The following CELF4 variants were observed in gnomAD, a reference collection of about 807,000 sequenced individuals.
CELF4 encodes CUGBP Elav-like family member 4.
CELF4 carries 18 observed loss-of-function variants against 59.9 expected under a neutral mutation model. The ratio of observed to expected loss-of-function variants is 0.30; its 90% confidence interval spans 0.21 to 0.45. The LOEUF is 0.45. Among genes scored for constraint, CELF4 ranks in the 20% least tolerant of loss-of-function variants. CELF4 has a pLI of 1.00. For synonymous variants in CELF4, 261 were observed against 267.1 expected, an observed-to-expected ratio of 0.98 and a Z score of 0.22; for missense variants, 456 against 689.0, an observed-to-expected ratio of 0.66 and a Z score of 3.79.
Position 37,244,379 on chromosome 18 carries a change from T to A in CELF4, c.*863A>T, listed in dbSNP as rs2061334288. 2 of 152,478 alleles carry A rather than the reference T, an allele frequency of 1.3e-5. No individual in the cohort carries two copies. The highest frequency in any genetic ancestry group is 2.9e-5 in the Non-Finnish European group (2 of 68,010). The allele number at this position is 152,478 out of a possible 1,614,324, so 9.4% of individuals were successfully genotyped here. Reference sequence around the variant, plus strand: ...CTTCACGGGTGAGTTTTAAGATTTGTGTTGCTTTCCCCAAATATCCACCAA... The same window carrying A: ...CTTCACGGGTGAGTTTTAAGATTTGAGTTGCTTTCCCCAAATATCCACCAA... On this transcript the variant is annotated 3_prime_UTR_variant, in exon 13 of 13. Coordinates refer to ENST00000420428, the MANE Select transcript of CELF4 (RefSeq NM_020180.4).
At chr18:37,403,684 G>A (rs1356658844) in intron 2 of CELF4, among the ~76,000 whole-genome samples, 1 of 152,224 alleles carries the variant, frequency 6.6e-6, no homozygotes, top group Non-Finnish European at 1.5e-5. Context: ...GACAGCGCAG[G>A]TGTGTGTTCC....
At chr18:37,468,405 T>C (rs889717420) in intron 2 of CELF4, among the ~76,000 whole-genome samples, 7 of 152,164 alleles carry the variant, frequency 4.6e-5, no homozygotes, top group African/African-American at 1.7e-4. Context: ...GTCAGGGCCA[T>C]GGCAGGGCAG....
intron 3 of CELF4, among the ~76,000 whole-genome samples, chr18:37,278,318 G>T (rs907397030): frequency 1.1e-4 from 16 of 152,262 alleles, no homozygotes; most frequent in Admixed American, 7.8e-4. Context: ...CTTCCTCCAG[G>T]TAGTCATGGA....
intron 8 of CELF4, among the ~76,000 whole-genome samples, chr18:37,270,019 T>A (rs2090350098): frequency 6.6e-6 from 1 of 152,210 alleles, no homozygotes; most frequent in Non-Finnish European, 1.5e-5. Flanking sequence ...TGTAGTTTAC[T>A]AGAGGGCTTT....
intron 1 of CELF4, among the ~76,000 whole-genome samples, chr18:37,533,566 G>A (rs1434852694): frequency 1.3e-5 from 2 of 152,172 alleles, no homozygotes; most frequent in African/African-American, 4.8e-5. Context: ...CTATTCACAT[G>A]GCAGAAGGAT....
intron 2 of CELF4, among the ~76,000 whole-genome samples, chr18:37,334,422 G>C (rs1603577767): frequency 1.3e-5 from 2 of 152,164 alleles, no homozygotes; most frequent in African/African-American, 4.8e-5. Flanking sequence ...TGGGGTCCTG[G>C]GCCTGGCGAG....
chr18:37,444,534 C>A (rs879848671), intron 2 of CELF4, among the ~76,000 whole-genome samples: 2 of 151,904 alleles, frequency 1.3e-5, no homozygotes, highest in Admixed American at 1.3e-4. Context: ...CTGCTCTACC[C>A]AAAAGCCAAG....
chr18:37,433,746 C>T (rs2099678933), intron 2 of CELF4, among the ~76,000 whole-genome samples: 1 of 152,170 alleles, frequency 6.6e-6, no homozygotes, highest in African/African-American at 2.4e-5. Context: ...GAGGATGGAC[C>T]ACCTCTTAGG....
chr18:37,284,625 C>A (rs1455920369), intron 3 of CELF4, among the ~76,000 whole-genome samples: 6 of 152,208 alleles, frequency 3.9e-5, no homozygotes, highest in Admixed American at 1.3e-4. Context: ...ACTGCTCAGC[C>A]CAGTCAACGC....
At chr18:37,435,416 T>C (rs936411627) in intron 2 of CELF4, among the ~76,000 whole-genome samples, 2 of 152,192 alleles carry the variant, frequency 1.3e-5, no homozygotes, top group African/African-American at 4.8e-5. Flanking sequence ...TCAATGGTTC[T>C]AGTCTGGGTC....
intron 3 of CELF4, among the ~76,000 whole-genome samples, chr18:37,278,857 A>G (rs1377585901): frequency 6.6e-6 from 1 of 152,166 alleles, no homozygotes; most frequent in East Asian, 1.9e-4. Flanking sequence ...GCTGAGATGG[A>G]CAACATCTCC....
At chr18:37,502,801 G>A (rs943880651) in intron 1 of CELF4, among the ~76,000 whole-genome samples, 32 of 152,150 alleles carry the variant, frequency 2.1e-4, no homozygotes, top group African/African-American at 6.0e-4. Flanking sequence ...CCAAGGCCTC[G>A]GTAACATCTC....
chr18:37,506,012 A>C (rs2099937483), intron 1 of CELF4, among the ~76,000 whole-genome samples: 1 of 152,196 alleles, frequency 6.6e-6, no homozygotes, highest in South Asian at 2.1e-4. Context: ...CAGGGAGAGT[A>C]GTGGGTAGGA....
intron 2 of CELF4, among the ~76,000 whole-genome samples, chr18:37,470,887 T>TGTGAGAGAGAGAGAGAGA (rs1325788685): frequency 6.9e-5 from 5 of 71,966 alleles, no homozygotes; most frequent in African/African-American, 1.1e-4. Context: ...TGTGTGTGTG[T>TGTGAGAGAGAGAGAGAGA]GACAGAGAGA....
chr18:37,377,996 T>C (rs1051233382), intron 2 of CELF4, among the ~76,000 whole-genome samples: 5 of 152,052 alleles, frequency 3.3e-5, no homozygotes, highest in African/African-American at 1.2e-4. Flanking sequence ...GGGGACCTTC[T>C]CCTCCTCCCT....
chr18:37,558,565 T>TGGGGGG (rs372382156), intron 1 of CELF4, among the ~76,000 whole-genome samples: 1 of 77,498 alleles, frequency 1.3e-5, no homozygotes, highest in Non-Finnish European at 2.4e-5. Flanking sequence ...GGGGGGCGGG[T>TGGGGGG]GGGGGGGGCT....
At chr18:37,504,013 G>A (rs947002977) in intron 1 of CELF4, among the ~76,000 whole-genome samples, 1 of 152,176 alleles carries the variant, frequency 6.6e-6, no homozygotes. Context: ...GGAGAGGATG[G>A]GAGTTCCTGG....
At chr18:37,499,749 T>C (rs974621806) in intron 1 of CELF4, among the ~76,000 whole-genome samples, 4 of 152,186 alleles carry the variant, frequency 2.6e-5, no homozygotes, top group African/African-American at 9.7e-5. Flanking sequence ...AGCAGGTCAA[T>C]AGGTCTCTCT....
At chr18:37,302,801 G>A (rs1053352218) in intron 3 of CELF4, among the ~76,000 whole-genome samples, 1 of 152,166 alleles carries the variant, frequency 6.6e-6, no homozygotes, top group Non-Finnish European at 1.5e-5. Context: ...AGGGTGGTGC[G>A]GGGAGCAGGC....
Sources: allele counts gnomAD v4.1 joint callset (sites outside exome capture counted in the v4.1 genomes callset), GRCh38; gene constraint gnomAD v4.1.1; transcripts MANE v1.5; gene names NCBI Gene and HGNC (gene_info 2026-07-23, HGNC 2026-07-21).